The following SYTL3 variants were observed in gnomAD, a reference collection of about 807,000 sequenced individuals.
SYTL3 encodes the protein synaptotagmin like 3.
A neutral mutation model predicts 82.1 loss-of-function variants in SYTL3; 88 were observed. That is an observed-to-expected ratio of 1.07 (90% confidence interval 0.90 to 1.28). The LOEUF is 1.28. Among genes scored for constraint, SYTL3 ranks in the 50% most tolerant of loss-of-function variants. The pLI is 0.00. For missense variants in SYTL3, 831 were observed against 757.6 expected (o/e 1.10, Z -1.14); for synonymous variants, 311 against 289.4 (o/e 1.07, Z -0.76).
intron 4 of SYTL3, among the ~76,000 whole-genome samples, chr6:158,664,831 G>T (rs1789825822): frequency 6.6e-6 from 1 of 152,024 alleles, no homozygotes; most frequent in Middle Eastern, 3.2e-3. Flanking sequence ...GCTAGTAAAT[G>T]ACACCTTTTT....
intron 10 of SYTL3, among the ~76,000 whole-genome samples, chr6:158,719,329 T>C (rs532834201): frequency 3.9e-5 from 6 of 152,192 alleles, no homozygotes; most frequent in Non-Finnish European, 7.3e-5. Flanking sequence ...TGCCAAAGGT[T>C]GTATAGCCAA....
intron 11 of SYTL3, among the ~76,000 whole-genome samples, chr6:158,736,938 C>T (rs775091106): frequency 2.7e-4 from 40 of 149,962 alleles, no homozygotes; most frequent in Non-Finnish European, 4.4e-4. Context: ...GAAGTCCTGG[C>T]GATGTTATTT....
At position 158,718,212 on chromosome 6, in the gene SYTL3, G is replaced by A. The variant is rs1185519152; in HGVS notation, c.720+1G>A. ...CACTGCGGTCAACGTCACCACCAGG[G>A]TACCCTGAGCCCCACAAGGCCTCCA... On this transcript the variant is annotated splice_donor_variant, in intron 10 of 17. Coordinates refer to ENST00000611299, the MANE Select transcript of SYTL3 (RefSeq NM_001242394.2). LOFTEE classifies it high-confidence loss of function. 13 of 1,527,590 alleles carry A rather than the reference G, an allele frequency of 8.5e-6. No homozygotes were observed. Among genetic ancestry groups the A allele is most frequent in the Admixed American group, 2.1e-5 (1 of 48,762 alleles). The allele number at this position is 1,527,590 out of a possible 1,614,324, so 94.6% of individuals were successfully genotyped here.
intron 1 of SYTL3, among the ~76,000 whole-genome samples, chr6:158,650,521 T>C (rs1014502663): frequency 6.6e-6 from 1 of 152,226 alleles, no homozygotes; most frequent in Non-Finnish European, 1.5e-5. Flanking sequence ...AATATCATTT[T>C]GGAATTATAA....
intron 17 of SYTL3, among the ~76,000 whole-genome samples, 189 bp from the exon 18 acceptor site, chr6:158,764,306 G>A (rs1562480384): frequency 6.6e-6 from 1 of 152,198 alleles, no homozygotes; most frequent in African/African-American, 2.4e-5. Context: ...GGATGCCTGC[G>A]TGAATCCCAG....
rs1400851782 is a variant in SYTL3 at position 158,660,930 on chromosome 6, C to A, written c.-636-339C>A. Among the ~76,000 whole-genome samples, 9 of 152,298 alleles carry A rather than the reference C, an allele frequency of 5.9e-5. No individual in the cohort carries two copies. The South Asian group carries it at 1.9e-3, about 32-fold the overall frequency. ...ATTAGCTAGGCATGGTAGCCCGCAC[C>A]TGTAGTCCCAGCTACTCGGGAGGCG... On this transcript the variant is annotated intron_variant, in intron 2 of 17. Transcript: ENST00000611299.
rs1245494292 is a variant in SYTL3, at chr6:158,665,389, C to T, written c.111-6C>T. 2 of 1,572,248 alleles carry T rather than the reference C, an allele frequency of 1.3e-6. No individual in the cohort carries two copies. The highest frequency in any genetic ancestry group is 1.7e-6 in the Non-Finnish European group (2 of 1,158,464). ...ATACTATCTTCTTTAACTCTGAGGG[C>T]TGCAGGAAACTGAAAACACACCTGC... On this transcript the variant is annotated splice_polypyrimidine_tract_variant and splice_region_variant and intron_variant, in intron 4 of 17. Coordinates refer to ENST00000611299, the MANE Select transcript of SYTL3 (RefSeq NM_001242394.2).
chr6:158,719,003 C>T (rs1783752763), intron 10 of SYTL3, among the ~76,000 whole-genome samples: 1 of 152,226 alleles, frequency 6.6e-6, no homozygotes, highest in Non-Finnish European at 1.5e-5. Flanking sequence ...AACTTGCACA[C>T]AGCCTCTTGA....
intron 6 of SYTL3, among the ~76,000 whole-genome samples, chr6:158,702,840 C>G (rs1192343563): frequency 6.6e-6 from 1 of 151,972 alleles, no homozygotes; most frequent in Non-Finnish European, 1.5e-5. Context: ...GACACCTTAT[C>G]CCTGAGCCTC....
chr6:158,761,235 C>T (rs920093499), intron 15 of SYTL3, among the ~76,000 whole-genome samples: 2 of 147,222 alleles, frequency 1.4e-5, no homozygotes, highest in South Asian at 2.2e-4. Context: ...TAACGTGGGG[C>T]GTGTGGAAAG....
chr6:158,664,015 G>A (rs1789704371), intron 4 of SYTL3, among the ~76,000 whole-genome samples: 2 of 152,182 alleles, frequency 1.3e-5, no homozygotes, highest in Admixed American at 1.3e-4. Flanking sequence ...CTGAACTCTA[G>A]CAGAGCAGTG....
At chr6:158,701,432 A>G (rs1270587051) in intron 6 of SYTL3, among the ~76,000 whole-genome samples, 37 of 140,028 alleles carry the variant, frequency 2.6e-4, no homozygotes, top group Non-Finnish European at 4.7e-4. Context: ...AGCCGTGGGA[A>G]GAGGGTCATG....
At chr6:158,674,032 C>T (rs60546453) in intron 5 of SYTL3, among the ~76,000 whole-genome samples, 55,516 of 149,362 alleles carry the variant, frequency 0.37, 13,224 homozygotes, top group East Asian at 0.76. Flanking sequence ...TGCAATGAGC[C>T]GAGATCGCAC....
In SYTL3 at chr6:158,763,296, C is replaced by T. The variant is rs1163574755; in HGVS notation, c.1518-8C>T. 3.1e-6 allele frequency: 5 copies of T among 1,614,034 alleles called. No homozygotes were observed. The highest frequency in any genetic ancestry group is 4.2e-6 in the Non-Finnish European group (5 of 1,179,960). On this transcript the variant is annotated splice_polypyrimidine_tract_variant and splice_region_variant and intron_variant, in intron 16 of 17. Transcript: ENST00000611299. ...GCAATGATTGCAGGGTTTGTGTTCC[C>T]TCTTCAGCTGTCTCACTCTGCCAGA...
At chr6:158,680,575 C>CAAAAAAAAAAAAAAAAAA (rs71297002) in intron 5 of SYTL3, among the ~76,000 whole-genome samples, 4 of 78,248 alleles carry the variant, frequency 5.1e-5, no homozygotes, top group Non-Finnish European at 5.3e-5. Flanking sequence ...CCCGTCTCTA[C>CAAAAAAAAAAAAAAAAAA]AAAAAAAAAA....
Position 158,757,135 on chromosome 6 carries a change from G to A in SYTL3, c.1138-76G>A, listed in dbSNP as rs1395184668. 1.2e-5 allele frequency: 17 copies of A among 1,445,380 alleles called. 1 individual carries two copies. The highest frequency in any genetic ancestry group is 1.4e-5 in the Non-Finnish European group (15 of 1,079,762). 89.5% of individuals were successfully genotyped at this position (1,445,380 alleles called of 1,614,324 possible). On this transcript the variant is annotated intron_variant, in intron 13 of 17. Coordinates refer to ENST00000611299, the MANE Select transcript of SYTL3 (RefSeq NM_001242394.2). Reference sequence around the variant, plus strand: ...GCCCCGGGAAGTGGGGCCCTGGAAGGTGGGGTCCAGAGATGGGGATCCTAG... The same window carrying A: ...GCCCCGGGAAGTGGGGCCCTGGAAGATGGGGTCCAGAGATGGGGATCCTAG...
At chr6:158,662,251 A>G (rs1424174177) in intron 3 of SYTL3, among the ~76,000 whole-genome samples, 2 of 152,226 alleles carry the variant, frequency 1.3e-5, no homozygotes, top group Non-Finnish European at 2.9e-5. Flanking sequence ...GATCTTCTGC[A>G]TTTTCTGGAT....
At chr6:158,654,582 AC>A in intron 2 of SYTL3, among the ~76,000 whole-genome samples, 1 of 152,216 alleles carries the variant, frequency 6.6e-6, no homozygotes, top group South Asian at 2.1e-4. Context: ...GGTAGAAGAA[AC>A]CCTTTTGAGT....
intron 6 of SYTL3, among the ~76,000 whole-genome samples, chr6:158,705,603 A>G (rs1781983618): frequency 2.2e-5 from 2 of 91,282 alleles, no homozygotes; most frequent in Admixed American, 1.0e-4. Context: ...TGAGATCTGG[A>G]AAGTCACATA....
Sources: gnomAD v4.1 joint callset for allele counts (sites outside exome capture counted in the v4.1 genomes callset) on GRCh38, gnomAD v4.1.1 for gene constraint, MANE v1.5 for transcripts, NCBI Gene and HGNC (gene_info 2026-07-23, HGNC 2026-07-21) for gene names.